The following TMEM117 variants were observed in gnomAD, a reference collection of about 807,000 sequenced individuals.
TMEM117 encodes transmembrane protein 117.
Under a neutral mutation model 52.4 loss-of-function variants are expected in TMEM117, and 27 were observed. The observed-to-expected ratio is 0.51, with a 90% CI of 0.38 to 0.71. The LOEUF (loss-of-function observed/expected upper bound fraction) is 0.71, where lower values mean the gene tolerates loss of function less well. Ranked by LOEUF, TMEM117 falls within the 30% of genes least tolerant of loss-of-function variation. The pLI, the probability that TMEM117 is intolerant of heterozygous loss-of-function variation, is 0.00. For missense variants in TMEM117, 556 were observed against 630.5 expected (o/e 0.88, Z 1.26); for synonymous variants, 215 against 206.3 (o/e 1.04, Z -0.36).
At chr12:44,377,031 A>G (rs746157455) in intron 7 of TMEM117, among the ~76,000 whole-genome samples, 2 of 152,136 alleles carry the variant, frequency 1.3e-5, no homozygotes, top group Non-Finnish European at 2.9e-5. Flanking sequence ...GAAAAGAAAT[A>G]TGTCACCTTT....
intron 6 of TMEM117, among the ~76,000 whole-genome samples, chr12:44,347,912 C>T (rs12305007): frequency 0.018 from 2,702 of 152,068 alleles, 78 homozygotes; most frequent in African/African-American, 0.062. Flanking sequence ...GCAATTGAAG[C>T]GACTCTGAAA....
intron 5 of TMEM117, among the ~76,000 whole-genome samples, chr12:44,255,579 G>A (rs1950250832): frequency 1.3e-5 from 2 of 152,086 alleles, no homozygotes; most frequent in African/African-American, 4.8e-5. Context: ...GAATGATAGT[G>A]TGTTTGATTT....
intron 3 of TMEM117, among the ~76,000 whole-genome samples, chr12:43,946,961 G>T (rs984932842): frequency 6.6e-6 from 1 of 152,106 alleles, no homozygotes; most frequent in African/African-American, 2.4e-5. Flanking sequence ...GAAAAGCATC[G>T]TTTACTGAGA....
rs575826189 is a variant in TMEM117, at chr12:44,175,838, A to G, written c.510+32214A>G. ...AACAAATGCTGCTGGAAAGTCAGGT[A>G]TACAAAATCCTGGACAGATGTTTAT... On this transcript the variant is annotated intron_variant, in intron 4 of 7. Transcript: ENST00000266534. 1.3e-3 allele frequency among the ~76,000 whole-genome samples: 202 copies of G among 152,330 alleles called. 1 individual carries two copies. Among genetic ancestry groups the G allele is most frequent in the Non-Finnish European group, 2.0e-3 (138 of 68,026 alleles).
intron 4 of TMEM117, among the ~76,000 whole-genome samples, chr12:44,151,658 A>G (rs1296878561): frequency 1.3e-5 from 2 of 150,746 alleles, no homozygotes; most frequent in Non-Finnish European, 2.9e-5. Flanking sequence ...AAAGTCAATG[A>G]TATAATGAAA....
At chr12:44,314,607 C>T (rs1951031951) in intron 6 of TMEM117, among the ~76,000 whole-genome samples, 1 of 150,434 alleles carries the variant, frequency 6.6e-6, no homozygotes, top group Non-Finnish European at 1.5e-5. Context: ...CACTCTGTCG[C>T]CAAGGTTGGA....
At chr12:43,829,262 T>C in the TMEM117 span, among the ~76,000 whole-genome samples, 5 of 152,236 alleles carry the variant, frequency 3.3e-5, no homozygotes, top group Non-Finnish European at 5.9e-5. Context: ...GTAGCCTTTA[T>C]GGTCAGTACA....
intron 3 of TMEM117, among the ~76,000 whole-genome samples, chr12:44,003,204 G>A (rs1247912118): frequency 2.0e-5 from 3 of 152,148 alleles, no homozygotes; most frequent in African/African-American, 7.2e-5. Context: ...GTGGCAGAGG[G>A]AACAAGGTAA....
intron 6 of TMEM117, among the ~76,000 whole-genome samples, chr12:44,367,596 A>T (rs989805516): frequency 2.0e-5 from 3 of 152,048 alleles, no homozygotes; most frequent in African/African-American, 7.2e-5. Context: ...AAATGATTTT[A>T]TCCGATTCTG....
chr12:44,293,506 C>T (rs1209946179), intron 5 of TMEM117, among the ~76,000 whole-genome samples: 2 of 151,974 alleles, frequency 1.3e-5, no homozygotes, highest in Admixed American at 6.6e-5. Flanking sequence ...TTCTTTTTCT[C>T]CTGCTGTCTT....
At chr12:44,082,448 T>C (rs575002735) in intron 3 of TMEM117, among the ~76,000 whole-genome samples, 7 of 152,124 alleles carry the variant, frequency 4.6e-5, no homozygotes, top group Non-Finnish European at 7.4e-5. Flanking sequence ...TAGGCATAGA[T>C]ATAGATATTA....
intron 3 of TMEM117, among the ~76,000 whole-genome samples, chr12:44,014,798 C>T (rs1034472759): frequency 2.6e-5 from 4 of 151,926 alleles, no homozygotes; most frequent in African/African-American, 7.3e-5. Flanking sequence ...TTTCTTTGTT[C>T]TCCTTACTCT....
In TMEM117 at chr12:44,074,414, G is replaced by A. The variant is rs192720229; in HGVS notation, c.411-69111G>A. On this transcript the variant is annotated intron_variant, in intron 3 of 7. Coordinates refer to ENST00000266534, the MANE Select transcript of TMEM117 (RefSeq NM_032256.3). ...TTAATACCAGAAACAAATTAATAGC[G>A]CCTATGGAAATTAAATTTACGAAGT... Among the ~76,000 whole-genome samples the A allele has an allele frequency of 5.5e-4, 83 of 152,094 alleles. 1 individual carries two copies. The highest frequency in any genetic ancestry group is 1.7e-3 in the African/African-American group (71 of 41,510).
chr12:44,120,687 C>A (rs945547593), intron 3 of TMEM117, among the ~76,000 whole-genome samples: 1 of 152,184 alleles, frequency 6.6e-6, no homozygotes, highest in Non-Finnish European at 1.5e-5. Context: ...CTGAGCAGCT[C>A]TAGCTTGGCC....
chr12:44,198,847 G>A (rs1565581805), intron 4 of TMEM117, among the ~76,000 whole-genome samples: 1 of 152,028 alleles, frequency 6.6e-6, no homozygotes, highest in South Asian at 2.1e-4. Context: ...AGGCAGAAAG[G>A]GAAGAAGGAG....
intron 2 of TMEM117, among the ~76,000 whole-genome samples, chr12:43,870,609 C>G (rs1416718335): frequency 6.6e-6 from 1 of 151,932 alleles, no homozygotes; most frequent in Non-Finnish European, 1.5e-5. Context: ...TGGGTATATA[C>G]CCAGTTATAT....
intron 3 of TMEM117, among the ~76,000 whole-genome samples, chr12:44,001,667 C>T (rs1254610170): frequency 6.6e-6 from 1 of 151,620 alleles, no homozygotes; most frequent in African/African-American, 2.4e-5. Flanking sequence ...CCTGGTTCAG[C>T]ATCTAGTATA....
intron 6 of TMEM117, among the ~76,000 whole-genome samples, chr12:44,348,812 G>T (rs566901842): frequency 8.9e-4 from 136 of 152,018 alleles, no homozygotes; most frequent in Non-Finnish European, 1.2e-4. Context: ...AGGGTGAAGA[G>T]TTGGGACCAT....
chr12:44,246,445 A>AT (rs1950130612), intron 5 of TMEM117, among the ~76,000 whole-genome samples: 1 of 152,068 alleles, frequency 6.6e-6, no homozygotes, highest in African/African-American at 2.4e-5. Context: ...TGAAAAATGT[A>AT]TTTTTCGCTG....
Sources: gnomAD v4.1 joint callset for allele counts (sites outside exome capture counted in the v4.1 genomes callset) on GRCh38, gnomAD v4.1.1 for gene constraint, MANE v1.5 for transcripts, NCBI Gene and HGNC (gene_info 2026-07-23, HGNC 2026-07-21) for gene names.